COP1: variants seen among roughly 807,000 people sequenced by gnomAD.
COP1 encodes the protein E3 ubiquitin-protein ligase COP1.
Under a neutral mutation model 101.3 loss-of-function variants are expected in COP1, and 24 were observed. That is an observed-to-expected ratio of 0.24 (90% CI 0.17 to 0.33). The LOEUF (loss-of-function observed/expected upper bound fraction) is 0.33, where lower values mean the gene tolerates loss of function less well. Ranked by LOEUF, COP1 falls within the 10% of genes least tolerant of loss-of-function variation. The probability of loss-of-function intolerance (pLI) is 1.00; values close to 1 mark genes in which losing one functional copy is unlikely to be tolerated. For synonymous variants in COP1, 347 were observed against 341.9 expected, an observed-to-expected ratio of 1.01 and a Z score of -0.17; for missense variants, 663 against 906.2, an observed-to-expected ratio of 0.73 and a Z score of 3.45.
intron 2 of COP1, among the ~76,000 whole-genome samples, chr1:176,179,232 G>A (rs1294101818): frequency 4.0e-5 from 6 of 151,662 alleles, no homozygotes; most frequent in African/African-American, 1.2e-4. Flanking sequence ...AGAGGTTGCA[G>A]TGAGCCAAGA....
At chr1:176,136,231 T>C (rs1689767650) in intron 7 of COP1, among the ~76,000 whole-genome samples, 1 of 152,074 alleles carries the variant, frequency 6.6e-6, no homozygotes. Context: ...CCAAGAAAAC[T>C]GAGCGATTTT....
chr1:175,966,676 AT>A (rs1480938002), intron 18 of COP1, among the ~76,000 whole-genome samples: 1 of 152,252 alleles, frequency 6.6e-6, no homozygotes, highest in African/African-American at 2.4e-5. Context: ...GTCACTGACT[AT>A]GTACAAGAGA....
intron 11 of COP1, among the ~76,000 whole-genome samples, chr1:176,059,814 C>A (rs185477542): frequency 1.1e-3 from 171 of 152,214 alleles, no homozygotes; most frequent in Non-Finnish European, 6.6e-4. Flanking sequence ...GTGGTTCCAA[C>A]AAAACTTCAT....
chr1:176,150,197 A>G (rs916155710), intron 5 of COP1, among the ~76,000 whole-genome samples: 7 of 152,222 alleles, frequency 4.6e-5, no homozygotes, highest in Non-Finnish European at 4.4e-5. Flanking sequence ...CCACTTCCAG[A>G]GTCTATGCCT....
intron 18 of COP1, among the ~76,000 whole-genome samples, chr1:175,957,917 C>T (rs1650880791): frequency 6.6e-6 from 1 of 151,912 alleles, no homozygotes; most frequent in African/African-American, 2.4e-5. Context: ...GAGCCAGGTG[C>T]AAAAAATTAC....
chr1:176,188,070 C>T (rs1698693344), intron 1 of COP1, among the ~76,000 whole-genome samples: 1 of 151,972 alleles, frequency 6.6e-6, no homozygotes, highest in African/African-American at 2.4e-5. Flanking sequence ...AGGAATCTAG[C>T]CCTCACCAGA....
Position 176,081,139 on chromosome 1 carries a change from G to T in COP1, c.1277+13C>A. ...TTCTTACAAAAGAAAATAGTAATTTGACCAATACTTACCTAGAGACTATAC... is the reference window on the plus strand; with the variant it reads ...TTCTTACAAAAGAAAATAGTAATTTTACCAATACTTACCTAGAGACTATAC... On this transcript the variant is annotated intron_variant, in intron 11 of 19. Coordinates refer to ENST00000367669, the MANE Select transcript of COP1 (RefSeq NM_022457.7). The T allele has an allele frequency of 1.3e-6, 2 of 1,579,116 alleles. No individual in the cohort carries two copies. The highest frequency in any genetic ancestry group is 1.2e-5 in the South Asian group (1 of 86,630).
At chr1:176,060,085 TG>T (rs1198048198) in intron 11 of COP1, among the ~76,000 whole-genome samples, 12 of 152,228 alleles carry the variant, frequency 7.9e-5, no homozygotes, top group Non-Finnish European at 8.8e-5. Flanking sequence ...TTAAAGTCTA[TG>T]CATATTTTTA....
At chr1:176,020,009 A>T (rs760461679) in intron 15 of COP1, among the ~76,000 whole-genome samples, 2 of 152,214 alleles carry the variant, frequency 1.3e-5, no homozygotes, top group Non-Finnish European at 2.9e-5. Flanking sequence ...AACTAGACTG[A>T]CAAAGGTAAA....
intron 15 of COP1, among the ~76,000 whole-genome samples, chr1:176,025,762 C>T (rs531597413): frequency 1.4e-4 from 21 of 151,882 alleles, no homozygotes; most frequent in South Asian, 4.2e-4. Flanking sequence ...TGGTGGTGCA[C>T]GCCTGTAGTC....
chr1:176,196,497 C>T (rs371521509), intron 1 of COP1, among the ~76,000 whole-genome samples: 6 of 152,138 alleles, frequency 3.9e-5, no homozygotes, highest in South Asian at 2.1e-4. Flanking sequence ...TTCAGCAACA[C>T]GGGTGTAATG....
At chr1:176,111,253 C>A (rs1685234336) in intron 9 of COP1, among the ~76,000 whole-genome samples, 1 of 152,088 alleles carries the variant, frequency 6.6e-6, no homozygotes, top group Admixed American at 6.6e-5. Flanking sequence ...TGAAAAGTAA[C>A]TGCAAAATAA....
intron 3 of COP1, among the ~76,000 whole-genome samples, chr1:176,174,439 TC>T (rs1409419461): frequency 1.8e-4 from 28 of 152,190 alleles, no homozygotes; most frequent in African/African-American, 6.8e-4. Context: ...TTTCCTAAGT[TC>T]CTTCTCCAAG....
intron 11 of COP1, among the ~76,000 whole-genome samples, chr1:176,059,515 C>T (rs1674473138): frequency 6.6e-6 from 1 of 151,830 alleles, no homozygotes; most frequent in African/African-American, 2.4e-5. Context: ...CAGAGTCTCA[C>T]TCTGTTGCCC....
intron 2 of COP1, among the ~76,000 whole-genome samples, chr1:176,176,325 C>A (rs1317617131): frequency 6.6e-6 from 1 of 152,110 alleles, no homozygotes; most frequent in East Asian, 1.9e-4. Context: ...ATGCCTACAG[C>A]TCAGTTAAGC....
chr1:176,164,370 T>C (rs1322699429), intron 3 of COP1, among the ~76,000 whole-genome samples: 2 of 152,218 alleles, frequency 1.3e-5, no homozygotes, highest in Non-Finnish European at 1.5e-5. Context: ...GATAATAACA[T>C]GACTTTTTTC....
intron 18 of COP1, 121 bp from the exon 19 acceptor site, chr1:175,947,360 T>C (rs1390984860): frequency 4.2e-6 from 3 of 719,140 alleles, no homozygotes; most frequent in African/African-American, 3.6e-5. Flanking sequence ...GAATCTAATA[T>C]GAAGATACAA....
At chr1:176,071,172 T>C (rs1676937627) in intron 11 of COP1, among the ~76,000 whole-genome samples, 1 of 152,168 alleles carries the variant, frequency 6.6e-6, no homozygotes, top group Admixed American at 6.5e-5. Flanking sequence ...ATCTTCATGA[T>C]AGTGAATTCT....
At chr1:175,998,094 A>AAAAAAAAAAAAAAAAG (rs1660693008) in intron 15 of COP1, among the ~76,000 whole-genome samples, 2 of 132,438 alleles carry the variant, frequency 1.5e-5, no homozygotes, top group African/African-American at 5.4e-5. Flanking sequence ...AAAAAAAGAA[A>AAAAAAAAAAAAAAAAG]ATGTGGCACA....
Sources: allele counts gnomAD v4.1 joint callset (sites outside exome capture counted in the v4.1 genomes callset), GRCh38; gene constraint gnomAD v4.1.1; transcripts MANE v1.5; gene names NCBI Gene and HGNC (gene_info 2026-07-23, HGNC 2026-07-21).